The following MTMR8 variants were observed in gnomAD, a reference collection of about 807,000 sequenced individuals.
MTMR8 encodes myotubularin related protein 8, also known as phosphatidylinositol-3,5-bisphosphate 3-phosphatase MTMR8.
Under a neutral mutation model 39.3 loss-of-function variants are expected in MTMR8, and 65 were observed. That is an observed-to-expected ratio of 1.65 (90% CI 1.35 to 2.03). The LOEUF (loss-of-function observed/expected upper bound fraction) is 2.03. MTMR8 is among the 30% of genes most tolerant of loss of function. MTMR8 has a pLI of 0.00. For missense variants in MTMR8, 777 were observed against 538.9 expected (o/e 1.44, Z -4.37); for synonymous variants, 245 against 185.2 (o/e 1.32, Z -2.62).
intron 1 of MTMR8, among the ~76,000 whole-genome samples, chrX:64,363,846 G>A (rs1018968925): frequency 9.9e-5 from 11 of 111,655 alleles, no homozygotes; most frequent in African/African-American, 3.3e-4. Flanking sequence ...AAGGGAAGAC[G>A]TGACGGACTG....
chrX:64,291,030 T>A (rs1355026333), intron 12 of MTMR8, among the ~76,000 whole-genome samples: 2 of 111,761 alleles, frequency 1.8e-5, no homozygotes, highest in African/African-American at 6.5e-5. Flanking sequence ...ATTCAATTTT[T>A]TAGAAAACTG....
At chrX:64,347,058 G>A (rs1923364670) in intron 6 of MTMR8, among the ~76,000 whole-genome samples, 1 of 110,979 alleles carries the variant, frequency 9.0e-6, no homozygotes, top group African/African-American at 3.3e-5. Context: ...TGCCCAAGAT[G>A]ATATGGATAA....
intron 12 of MTMR8, among the ~76,000 whole-genome samples, chrX:64,295,947 C>T (rs1049219397): frequency 2.7e-5 from 3 of 111,943 alleles, no homozygotes; most frequent in African/African-American, 9.7e-5. Flanking sequence ...ATCCAACAAT[C>T]CACTTTTAGG....
chrX:64,295,841 T>A (rs1484562970), intron 12 of MTMR8, among the ~76,000 whole-genome samples: 1 of 110,698 alleles, frequency 9.0e-6, no homozygotes, highest in Admixed American at 9.6e-5. Flanking sequence ...AAAAATAGAG[T>A]CCTTGTGCAT....
chrX:64,375,188 C>T (rs1247975875), intron 1 of MTMR8, among the ~76,000 whole-genome samples: 1 of 109,956 alleles, frequency 9.1e-6, no homozygotes, highest in African/African-American at 3.3e-5. Flanking sequence ...CAGCAAAACC[C>T]CATCTCTACA....
intron 10 of MTMR8, among the ~76,000 whole-genome samples, chrX:64,334,855 A>G (rs933215973): frequency 1.8e-5 from 2 of 112,046 alleles, no homozygotes; most frequent in African/African-American, 6.5e-5. Flanking sequence ...AGAATGGATA[A>G]ACGTCCTTTG....
intron 11 of MTMR8, among the ~76,000 whole-genome samples, chrX:64,329,227 A>G (rs1922880759): frequency 9.0e-6 from 1 of 111,345 alleles, no homozygotes. Context: ...CTATTTCCTC[A>G]CCGTTAAATG....
intron 12 of MTMR8, among the ~76,000 whole-genome samples, chrX:64,308,371 G>A (rs1395624339): frequency 4.9e-5 from 4 of 81,409 alleles, no homozygotes; most frequent in Non-Finnish European, 8.8e-5. Context: ...GGGTTTCACT[G>A]TGTTAGCCAG....
intron 12 of MTMR8, among the ~76,000 whole-genome samples, chrX:64,300,876 C>A (rs1401539306): frequency 9.0e-6 from 1 of 110,705 alleles, no homozygotes; most frequent in African/African-American, 3.3e-5. Context: ...GTTGAAAATT[C>A]TTTCCTTTAA....
At chrX:64,282,488 T>C (rs1440740871) in intron 12 of MTMR8, among the ~76,000 whole-genome samples, 2 of 110,673 alleles carry the variant, frequency 1.8e-5, no homozygotes, top group East Asian at 5.7e-4. Flanking sequence ...ACATGTATCC[T>C]GGAACCTAAA....
At chrX:64,271,164 T>C in intron 12 of MTMR8, 91 bp from the exon 13 acceptor site, 1 of 945,383 alleles carries the variant, frequency 1.1e-6, no homozygotes, top group Non-Finnish European at 1.4e-6. Flanking sequence ...AAATATTGGC[T>C]TAGTAGGTGG....
At chrX:64,334,709 C>A (rs1471425332) in intron 10 of MTMR8, among the ~76,000 whole-genome samples, 1 of 110,250 alleles carries the variant, frequency 9.1e-6, no homozygotes, top group Admixed American at 9.8e-5. Flanking sequence ...GCTCCTCAAA[C>A]ACGTAATCCT....
chrX:64,317,655 T>C (rs1922509392), intron 12 of MTMR8, among the ~76,000 whole-genome samples: 1 of 112,275 alleles, frequency 8.9e-6, no homozygotes, highest in Non-Finnish European at 1.9e-5. Flanking sequence ...CTTTTTTCAG[T>C]TGTTAGTTTC....
At chrX:64,378,204 T>G (rs1301339348) in intron 1 of MTMR8, among the ~76,000 whole-genome samples, 1 of 112,015 alleles carries the variant, frequency 8.9e-6, no homozygotes, top group Admixed American at 9.5e-5. Context: ...ATTTTTGTTA[T>G]AGCAGCCTGA....
intron 12 of MTMR8, among the ~76,000 whole-genome samples, chrX:64,319,813 A>G (rs1186489925): frequency 9.0e-6 from 1 of 110,938 alleles, no homozygotes; most frequent in Admixed American, 9.6e-5. Context: ...GTAGCCTTGT[A>G]ATATAGTTTG....
At chrX:64,395,248 G>T in intron 1 of MTMR8, 92 bp downstream of exon 1, 1 of 964,351 alleles carries the variant, frequency 1.0e-6, no homozygotes, top group Non-Finnish European at 1.5e-6. Flanking sequence ...CGTCAAAGAA[G>T]GCTGAGAAGG....
At chrX:64,359,630 C>G in intron 1 of MTMR8, 103 bp from the exon 2 acceptor site, 1 of 883,327 alleles carries the variant, frequency 1.1e-6, no homozygotes, top group East Asian at 3.3e-5. Flanking sequence ...TGCTACAAAA[C>G]TCGAGTCTTT....
chrX:64,274,807 G>C (rs138401439), intron 12 of MTMR8, among the ~76,000 whole-genome samples: 2 of 112,111 alleles, frequency 1.8e-5, no homozygotes, highest in Admixed American at 1.9e-4. Flanking sequence ...GCCAGACACA[G>C]AAAGACAAAA....
intron 6 of MTMR8, 86 bp from the exon 7 acceptor site, chrX:64,345,263 G>A (rs1033227301): frequency 1.1e-4 from 101 of 946,413 alleles, no homozygotes; most frequent in South Asian, 3.8e-4. Flanking sequence ...ATTCTGAACC[G>A]TTTAAAATCC....
Sources: gnomAD v4.1 joint callset for allele counts (sites outside exome capture counted in the v4.1 genomes callset) on GRCh38, gnomAD v4.1.1 for gene constraint, MANE v1.5 for transcripts, NCBI Gene and HGNC (gene_info 2026-07-23, HGNC 2026-07-21) for gene names.